The following RNF213 variants were observed in gnomAD, a reference collection of about 807,000 sequenced individuals.
The protein encoded by RNF213 is ring finger protein 213.
RNF213 carries 341 observed loss-of-function variants against 514.4 expected under a neutral mutation model. The observed-to-expected ratio is 0.66, with a 90% CI of 0.61 to 0.73. The LOEUF (loss-of-function observed/expected upper bound fraction) is 0.73, where lower values mean the gene tolerates loss of function less well. Among genes scored for constraint, RNF213 ranks in the 30% least tolerant of loss-of-function variants. The probability of loss-of-function intolerance (pLI) is 0.00; values close to 1 mark genes in which losing one functional copy is unlikely to be tolerated. For synonymous variants in RNF213, 2,655 were observed against 2,658.2 expected (o/e 1.00, Z 0.04); for missense variants, 5,767 against 6,615.6 (o/e 0.87, Z 4.45).
chr17:80,330,845 T>C (rs1325894884), intron 20 of RNF213, among the ~76,000 whole-genome samples: 1 of 151,972 alleles, frequency 6.6e-6, no homozygotes, highest in Non-Finnish European at 1.5e-5. Flanking sequence ...TGGGACAGAG[T>C]CTTGCCCTGT....
intron 13 of RNF213, 64 bp from the exon 14 acceptor site, chr17:80,308,953 TG>T: frequency 6.3e-7 from 1 of 1,598,752 alleles, no homozygotes; most frequent in Non-Finnish European, 8.6e-7. Flanking sequence ...TAGTCATCAA[TG>T]GTAACCATTT....
intron 67 of RNF213, among the ~76,000 whole-genome samples, chr17:80,391,007 A>C (rs1158879973): frequency 6.6e-6 from 1 of 152,132 alleles, no homozygotes; most frequent in Non-Finnish European, 1.5e-5. Context: ...GATTGCAGTG[A>C]GCTGAGATCG....
At chr17:80,313,807 TAATGGA>T (rs1189650450) in intron 15 of RNF213, among the ~76,000 whole-genome samples, 2,281 of 57,178 alleles carry the variant, frequency 0.04, 95 homozygotes, top group Non-Finnish European at 0.06. Flanking sequence ...ATGGTGGAGG[TAATGGA>T]GGTGATGGTG....
At position 80,383,768 on chromosome 17, in the gene RNF213, AC is replaced by A; in HGVS notation, c.14165del (p.Pro4722GlnfsTer2). 6.2e-7 allele frequency: 1 copy of A among 1,614,110 alleles called. No individual in the cohort carries two copies. Among genetic ancestry groups the A allele is most frequent in the Non-Finnish European group, 8.5e-7 (1 of 1,180,016 alleles). On this transcript the variant is annotated frameshift_variant, in exon 59 of 68. Coordinates refer to ENST00000582970, the MANE Select transcript of RNF213 (RefSeq NM_001256071.3). LOFTEE classifies it high-confidence loss of function. The stretch of plus-strand genomic sequence containing the variant: ...CCTGTGGCCAAAATAATATATGGTG[AC>A]CCAGTGACCTTCCTGCCCCACCTGC... Reference protein sequence around the residue: ...SNPVAKIIYGDPVTFLPHLPR... With the variant: ...SNPVAKIIYGXPVTFLPHLPR...
chr17:80,286,905 A>G (rs1280343368), intron 3 of RNF213, among the ~76,000 whole-genome samples: 1 of 152,162 alleles, frequency 6.6e-6, no homozygotes, highest in Non-Finnish European at 1.5e-5. Flanking sequence ...TGGGGACCGT[A>G]CACCTGAACC....
intron 14 of RNF213, 96 bp downstream of exon 14, chr17:80,309,267 C>A: frequency 6.8e-7 from 1 of 1,460,878 alleles, no homozygotes; most frequent in Non-Finnish European, 9.6e-7. Context: ...TTCCCGGGTG[C>A]TGGGATGAGA....
rs554832723 is a variant in RNF213, at chr17:80,334,247, G to A, written c.4286G>A (p.Cys1429Tyr). Residue 1429 changes from cysteine (C) to tyrosine (Y), a missense_variant, in exon 22 of 68, where the codon TGC becomes TAC. By Grantham distance (194) the Cys-to-Tyr change is radical. Around this residue, in one of 13 missense-constraint regions of RNF213, gnomAD observed 516 missense variants for 566.5 expected, o/e 0.91. Coordinates refer to ENST00000582970, the MANE Select transcript of RNF213 (RefSeq NM_001256071.3). ...QALSLRKEFI[C>Y]WVREALGGIN... ...CTGTCCCTGAGAAAGGAGTTCATCT[G>A]CTGGGTCCGGGAGGCTCTTGGAGGT... 1.3e-6 allele frequency: 2 copies of A among 1,537,022 alleles called. No individual in the cohort carries two copies. The highest frequency in any genetic ancestry group is 2.4e-5 in the East Asian group (1 of 40,916).
At chr17:80,364,703 GC>G in intron 42 of RNF213, 150 bp downstream of exon 42, 1 of 853,726 alleles carries the variant, frequency 1.2e-6, no homozygotes, top group East Asian at 2.7e-5. Flanking sequence ...TCATCACTAG[GC>G]CATTACATTT....
At position 80,377,677 on chromosome 17, in the gene RNF213, G is replaced by C; in HGVS notation, c.13511-85G>C. 2 of 1,474,740 alleles carry C rather than the reference G, an allele frequency of 1.4e-6. No homozygotes were observed. Among genetic ancestry groups the C allele is most frequent in the East Asian group, 4.5e-5 (2 of 44,222 alleles). 91.4% of individuals were successfully genotyped at this position (1,474,740 alleles called of 1,614,324 possible). A position where few individuals can be genotyped will look rare whatever the true frequency, so the allele number is the denominator to read the frequency against. On this transcript the variant is annotated intron_variant, in intron 53 of 67. Transcript: ENST00000582970. The surrounding 1 kb of genome is among the most constrained non-coding windows in gnomAD (Gnocchi z 4.1). Reference sequence around the variant, plus strand: ...CATTCTCATATTGTGGTCAGGGCCAGAGAGTAGAGAGTTAGCTTTCCCTTT... The same window carrying C: ...CATTCTCATATTGTGGTCAGGGCCACAGAGTAGAGAGTTAGCTTTCCCTTT...
chr17:80,317,161 G>T lies in RNF213; in HGVS notation c.2812-27G>T. On this transcript the variant is annotated intron_variant, in intron 15 of 67. Coordinates refer to ENST00000582970, the MANE Select transcript of RNF213 (RefSeq NM_001256071.3). This position sits in a 1 kb window ranked among gnomAD's most constrained non-coding sequence, Gnocchi z 4.1. ...GCCGTGGCATTTAGTCGTGAGAGTG[G>T]GTGTGACCTGTGTGCGGGTTTTGCA... 1 of 1,605,662 alleles carries T rather than the reference G, an allele frequency of 6.2e-7. No homozygotes were observed. Among genetic ancestry groups the T allele is most frequent in the Admixed American group, 1.7e-5 (1 of 58,432 alleles).
intron 13 of RNF213, among the ~76,000 whole-genome samples, chr17:80,308,212 C>T (rs1207419132): frequency 6.6e-6 from 1 of 151,990 alleles, no homozygotes; most frequent in Non-Finnish European, 1.5e-5. Context: ...TCTTCGTTCA[C>T]CTCCTTTGTT....
At chr17:80,328,085 A>G in intron 19 of RNF213, 96 bp downstream of exon 19, 6 of 1,398,436 alleles carry the variant, frequency 4.3e-6, no homozygotes, top group Non-Finnish European at 5.8e-6. Flanking sequence ...AAAGGAGATA[A>G]TCATCTTAGC....
At position 80,386,787 on chromosome 17, in the gene RNF213, C is replaced by G. The variant is rs956940390; in HGVS notation, c.14818C>G (p.Gln4940Glu). 1.5e-5 allele frequency: 25 copies of G among 1,614,114 alleles called. No homozygotes were observed. The highest frequency in any genetic ancestry group is 2.1e-5 in the Non-Finnish European group (25 of 1,180,052). Reference protein sequence around the residue: ...TPLILSNCQYQVEEGRETVQE... With the variant: ...TPLILSNCQYEVEEGRETVQE... ...ACTGATTCTCTCCAACTGCCAGTAC[C>G]AGGTGGAGGAGGGCAGAGAGACCGT... Residue 4940 changes from glutamine (Q) to glutamate (E), a missense_variant, in exon 63 of 68, where the codon CAG becomes GAG. Transcript: ENST00000582970.
rs2078362660 is a variant in RNF213, at chr17:80,347,769, A to G, written c.9434A>G (p.Asn3145Ser). 2 of 1,614,194 alleles carry G rather than the reference A, an allele frequency of 1.2e-6. No homozygotes were observed. Among genetic ancestry groups the G allele is most frequent in the Non-Finnish European group, 1.7e-6 (2 of 1,180,042 alleles). The change falls in exon 29 of 68, where the codon AAC becomes AGC. Residue 3145 changes from asparagine (N) to serine (S), a missense_variant. By Grantham distance (46) the Asn-to-Ser change is conservative (BLOSUM62 1). Around this residue, in one of 13 missense-constraint regions of RNF213, gnomAD observed 919 missense variants for 1,121.0 expected, o/e 0.82. Transcript: ENST00000582970. This position sits in a 1 kb window ranked among gnomAD's most constrained non-coding sequence, Gnocchi z 7.2. ...THRVKCRVHP[N>S]FRLIVIEEKD... ...CGCGTCAAATGTCGGGTTCACCCCA[A>G]CTTCCGCCTGATTGTCATTGAAGAG...
intron 3 of RNF213, among the ~76,000 whole-genome samples, chr17:80,284,671 G>A (rs1232364530): frequency 2.0e-5 from 3 of 152,212 alleles, no homozygotes; most frequent in African/African-American, 7.2e-5. Flanking sequence ...GTGAGGCTTG[G>A]TGCAGGCGTC....
At chr17:80,364,639 G>A in intron 42 of RNF213, 86 bp downstream of exon 42, 1 of 1,558,478 alleles carries the variant, frequency 6.4e-7, no homozygotes, top group Non-Finnish European at 8.8e-7. Flanking sequence ...CTGCGGCTGG[G>A]AGACGCTCTT....
Position 80,288,497 on chromosome 17 carries a change from G to C in RNF213, c.810+134G>C, listed in dbSNP as rs759656834. The C allele has an allele frequency of 2.5e-6, 4 of 1,596,754 alleles. No individual in the cohort carries two copies. In the African/African-American group the frequency reaches 4.0e-5, roughly 16 times the overall value. ...GGGCCCTGCTCCCTGGGTGGGAGTC[G>C]GAGGGCTGCCCCTCCACTGGGGATG... is the stretch of plus-strand genomic sequence containing the variant. On this transcript the variant is annotated intron_variant, in intron 4 of 67. Coordinates refer to ENST00000582970, the MANE Select transcript of RNF213 (RefSeq NM_001256071.3). This position sits in a 1 kb window ranked among gnomAD's most constrained non-coding sequence, Gnocchi z 4.9.
chr17:80,304,513 G>A (rs561332272), intron 11 of RNF213, among the ~76,000 whole-genome samples: 21 of 152,104 alleles, frequency 1.4e-4, no homozygotes, highest in African/African-American at 2.9e-4. Context: ...GGTGGCAGGC[G>A]CCTGTAGTCA....
At chr17:80,267,132 G>A (rs143571724) in intron 2 of RNF213, among the ~76,000 whole-genome samples, 3,163 of 151,532 alleles carry the variant, frequency 0.021, 115 homozygotes, top group African/African-American at 0.072. Flanking sequence ...CACAAGAATT[G>A]CTTGAACCCA....
Sources: allele counts gnomAD v4.1 joint callset (sites outside exome capture counted in the v4.1 genomes callset), GRCh38; gene constraint gnomAD v4.1.1; regional missense constraint gnomAD v4.1.1; non-coding constraint Gnocchi (gnomAD v3.1); transcripts MANE v1.5; gene names NCBI Gene and HGNC (gene_info 2026-07-23, HGNC 2026-07-21).